The following TMCO4 variants were observed in gnomAD, a reference collection of about 807,000 sequenced individuals.
TMCO4 encodes transmembrane and coiled-coil domains 4.
TMCO4 carries 58 observed loss-of-function variants against 64.7 expected under a neutral mutation model. The observed-to-expected ratio is 0.90, with a 90% confidence interval of 0.73 to 1.12. The LOEUF (loss-of-function observed/expected upper bound fraction) is 1.12. TMCO4 is among the 50% of genes most tolerant of loss of function. The pLI, the probability that TMCO4 is intolerant of heterozygous loss-of-function variation, is 0.00. For missense variants in TMCO4, 780 were observed against 825.9 expected, an observed-to-expected ratio of 0.94 and a Z score of 0.68; for synonymous variants, 325 against 346.1, an observed-to-expected ratio of 0.94 and a Z score of 0.68.
chr1:19,779,993 A>G (rs2043386036), intron 4 of TMCO4, among the ~76,000 whole-genome samples: 1 of 152,120 alleles, frequency 6.6e-6, no homozygotes, highest in African/African-American at 2.4e-5. Flanking sequence ...AGTTCCTTAG[A>G]GCAGCAGTCC....
At chr1:19,745,308 A>ATGGGTGGATGGACAGGTGGG (rs2041720270) in intron 10 of TMCO4, among the ~76,000 whole-genome samples, 1 of 150,506 alleles carries the variant, frequency 6.6e-6, no homozygotes, top group Admixed American at 6.6e-5. Flanking sequence ...GGGTAGGTGG[A>ATGGGTGGATGGACAGGTGGG]TGGGTGGATG....
At chr1:19,735,822 G>A (rs2095451583) in intron 13 of TMCO4, among the ~76,000 whole-genome samples, 1 of 152,192 alleles carries the variant, frequency 6.6e-6, no homozygotes, top group Admixed American at 6.5e-5. Flanking sequence ...TAGGTAACGA[G>A]CCTGGCAGAT....
intron 3 of TMCO4, among the ~76,000 whole-genome samples, chr1:19,781,226 C>T (rs1474621510): frequency 2.0e-5 from 3 of 151,408 alleles, no homozygotes; most frequent in Admixed American, 1.3e-4. Flanking sequence ...TTTTGGAAGC[C>T]GAGGTAGGAG....
chr1:19,729,364 T>G (rs2095421077), intron 13 of TMCO4, among the ~76,000 whole-genome samples: 1 of 150,206 alleles, frequency 6.7e-6, no homozygotes, highest in Non-Finnish European at 1.5e-5. Flanking sequence ...TCCAGGCTGG[T>G]CTCAAACTCC....
At chr1:19,704,547 G>A (rs536910399) in intron 13 of TMCO4, among the ~76,000 whole-genome samples, 142 of 152,320 alleles carry the variant, frequency 9.3e-4, no homozygotes, top group African/African-American at 3.1e-3. Context: ...GCGGGTTATC[G>A]TTGCTCCTAC....
At chr1:19,694,628 TC>T (rs1272138237) in intron 14 of TMCO4, 77 bp from the exon 15 acceptor site, 1 of 1,379,902 alleles carries the variant, frequency 7.2e-7, no homozygotes, top group African/African-American at 1.4e-5. Flanking sequence ...CCAGGCTGCC[TC>T]CTGGGGAAGC....
intron 2 of TMCO4, among the ~76,000 whole-genome samples, chr1:19,788,562 A>C (rs2043857475): frequency 6.6e-6 from 1 of 152,170 alleles, no homozygotes; most frequent in Admixed American, 6.5e-5. Flanking sequence ...GATCAGAAAA[A>C]AAATAATTTA....
At chr1:19,707,799 C>A (rs1404283977) in intron 13 of TMCO4, among the ~76,000 whole-genome samples, 2 of 152,170 alleles carry the variant, frequency 1.3e-5, no homozygotes, top group Admixed American at 6.5e-5. Context: ...ACAGGCTTAA[C>A]AGGAAGCATG....
chr1:19,684,639 G>C (rs1469275355), intron 15 of TMCO4, among the ~76,000 whole-genome samples: 1 of 152,204 alleles, frequency 6.6e-6, no homozygotes, highest in African/African-American at 2.4e-5. Flanking sequence ...AGACTGCAAG[G>C]TGCTGGCTAC....
chr1:19,758,519 T>A (rs746130474), intron 6 of TMCO4, among the ~76,000 whole-genome samples: 7 of 152,220 alleles, frequency 4.6e-5, no homozygotes, highest in African/African-American at 7.2e-5. Flanking sequence ...GGTGCATGTG[T>A]GATTAACATT....
chr1:19,749,127 G>A (rs79337321), intron 7 of TMCO4, among the ~76,000 whole-genome samples: 1,761 of 152,326 alleles, frequency 0.012, 42 homozygotes, highest in African/African-American at 0.04. Context: ...CTAGCACAGT[G>A]GGAGGCAGGA....
rs142725890 is a variant in TMCO4, at chr1:19,764,337, A to G, written c.382+6205T>C. 4.0e-4 allele frequency among the ~76,000 whole-genome samples: 61 copies of G among 152,358 alleles called. 1 individual carries two copies. The East Asian group carries it at 0.01, about 26-fold the overall frequency. ...GTTTCCTCTGCTGTAAAATGGGAACAGTAACAGCATCTACCTCCAAGGGTC... is the reference window on the plus strand; with the variant it reads ...GTTTCCTCTGCTGTAAAATGGGAACGGTAACAGCATCTACCTCCAAGGGTC... On this transcript the variant is annotated intron_variant, in intron 6 of 15. Coordinates refer to ENST00000294543, the MANE Select transcript of TMCO4 (RefSeq NM_181719.7).
chr1:19,780,648 G>C lies in TMCO4; in HGVS notation c.111C>G (p.Ala37=). ...AGAGGGCAGCATAGGCGAAGCGGTT[G>C]GCCTCAGTCAGCTCCCGGCCCGTGG... is the stretch of plus-strand genomic sequence containing the variant. ...HLPTGRELTE[A]NRFAYAALCG... The change falls in exon 4 of 16, where the codon GCC becomes GCG. Residue 37 remains alanine (A), a synonymous_variant. Coordinates refer to ENST00000294543, the MANE Select transcript of TMCO4 (RefSeq NM_181719.7). 1 of 1,614,000 alleles carries C rather than the reference G, an allele frequency of 6.2e-7. No homozygotes were observed. The highest frequency in any genetic ancestry group is 8.5e-7 in the Non-Finnish European group (1 of 1,179,960).
chr1:19,718,197 T>TGGTGGTGGGCAC (rs2095365444), intron 13 of TMCO4, among the ~76,000 whole-genome samples: 2 of 151,988 alleles, frequency 1.3e-5, no homozygotes, highest in Non-Finnish European at 1.5e-5. Context: ...TAACTGGGCA[T>TGGTGGTGGGCAC]GGTGGTGGGC....
chr1:19,715,805 G>A (rs1570733122), intron 13 of TMCO4, among the ~76,000 whole-genome samples: 2 of 152,318 alleles, frequency 1.3e-5, no homozygotes, highest in East Asian at 3.9e-4. Context: ...TGGTGACCAT[G>A]TAAGCCCCGG....
intron 7 of TMCO4, among the ~76,000 whole-genome samples, chr1:19,751,819 C>A (rs1410903291): frequency 6.6e-6 from 1 of 152,082 alleles, no homozygotes; most frequent in African/African-American, 2.4e-5. Flanking sequence ...GAGGCCAAGG[C>A]GGGTGGATCA....
chr1:19,706,620 A>G (rs1004293391), intron 13 of TMCO4, among the ~76,000 whole-genome samples: 1 of 152,086 alleles, frequency 6.6e-6, no homozygotes, highest in African/African-American at 2.4e-5. Flanking sequence ...TTAATATCCT[A>G]TTTTTACTGT....
intron 15 of TMCO4, among the ~76,000 whole-genome samples, chr1:19,684,303 T>C (rs2095130075): frequency 6.6e-6 from 1 of 151,780 alleles, no homozygotes; most frequent in African/African-American, 2.4e-5. Context: ...TGGCTAATTT[T>C]TAAATGTTGT....
At chr1:19,762,835 C>T (rs937243775) in intron 6 of TMCO4, among the ~76,000 whole-genome samples, 2 of 152,166 alleles carry the variant, frequency 1.3e-5, no homozygotes, top group African/African-American at 2.4e-5. Flanking sequence ...GGGCTGACCT[C>T]GTACCTGCTG....
Sources: allele counts gnomAD v4.1 joint callset (sites outside exome capture counted in the v4.1 genomes callset), GRCh38; gene constraint gnomAD v4.1.1; transcripts MANE v1.5; gene names NCBI Gene and HGNC (gene_info 2026-07-23, HGNC 2026-07-21).